The following HECTD2 variants were observed in gnomAD, a reference collection of about 807,000 sequenced individuals.
HECTD2 encodes the protein probable E3 ubiquitin-protein ligase HECTD2.
A neutral mutation model predicts 103.2 loss-of-function variants in HECTD2; 35 were observed. The ratio of observed to expected loss-of-function variants is 0.34; its 90% CI spans 0.26 to 0.45. The LOEUF is 0.45. HECTD2 is among the 20% of genes least tolerant of loss of function. The pLI, the probability that HECTD2 is intolerant of heterozygous loss-of-function variation, is 1.00. For synonymous variants in HECTD2, 281 were observed against 329.9 expected (o/e 0.85, Z 1.61); for missense variants, 596 against 937.4 (o/e 0.64, Z 4.76).
At chr10:91,419,221 A>G (rs1197351575) in intron 1 of HECTD2, among the ~76,000 whole-genome samples, 1 of 152,230 alleles carries the variant, frequency 6.6e-6, no homozygotes. Flanking sequence ...TTGTTAGTCA[A>G]TTCAGAAGCG....
intron 5 of HECTD2, among the ~76,000 whole-genome samples, chr10:91,475,500 A>G (rs1845868967): frequency 6.6e-6 from 1 of 152,214 alleles, no homozygotes; most frequent in East Asian, 1.9e-4. Context: ...AGAATTGACC[A>G]TTGTCTTTCA....
chr10:91,433,800 T>G (rs923150233), intron 2 of HECTD2, among the ~76,000 whole-genome samples: 1 of 151,946 alleles, frequency 6.6e-6, no homozygotes, highest in Non-Finnish European at 1.5e-5. Context: ...TCGTGGTGCA[T>G]GTAGTCTATA....
At position 91,458,239 on chromosome 10, in the gene HECTD2, T is replaced by C. The variant is rs569641321; in HGVS notation, c.269-2188T>C. On this transcript the variant is annotated intron_variant, in intron 2 of 20. Coordinates refer to ENST00000298068, the MANE Select transcript of HECTD2 (RefSeq NM_182765.6). ...TAAATCTAGCAAACATTACAGAATA[T>C]GTATGCTTAGAATCATACCATGCTG... Among the ~76,000 whole-genome samples the C allele has an allele frequency of 3.9e-5, 6 of 152,086 alleles. No homozygotes were observed. The South Asian group carries it at 6.2e-4, about 16-fold the overall frequency.
chr10:91,502,633 C>T (rs1320527795), intron 20 of HECTD2, among the ~76,000 whole-genome samples: 2 of 151,810 alleles, frequency 1.3e-5, no homozygotes, highest in African/African-American at 2.4e-5. Context: ...AATTTCTAAA[C>T]AAAATTTACA....
intron 2 of HECTD2, among the ~76,000 whole-genome samples, chr10:91,430,348 C>A (rs1488346606): frequency 2.5e-4 from 38 of 151,958 alleles, no homozygotes; most frequent in Admixed American, 1.2e-3. Context: ...AAAAAAATGT[C>A]TATTCTGTTG....
chr10:91,477,105 C>T (rs1036740614), intron 5 of HECTD2, among the ~76,000 whole-genome samples: 2 of 150,900 alleles, frequency 1.3e-5, no homozygotes, highest in African/African-American at 2.4e-5. Flanking sequence ...GGCGTGAACC[C>T]GGGAAGCGGA....
intron 1 of HECTD2, among the ~76,000 whole-genome samples, chr10:91,411,044 A>G (rs1842899858): frequency 6.6e-6 from 1 of 152,048 alleles, no homozygotes; most frequent in South Asian, 2.1e-4. Flanking sequence ...CTCTGCGGCG[A>G]GTTTCCACTT....
chr10:91,421,996 A>G (rs890904374), intron 1 of HECTD2, among the ~76,000 whole-genome samples: 19 of 151,910 alleles, frequency 1.3e-4, no homozygotes, highest in African/African-American at 4.4e-4. Flanking sequence ...CTCTATTCAA[A>G]TTTCATTTCT....
At chr10:91,508,604 C>T (rs1847290802) in intron 20 of HECTD2, among the ~76,000 whole-genome samples, 1 of 149,362 alleles carries the variant, frequency 6.7e-6, no homozygotes, top group Admixed American at 6.6e-5. Flanking sequence ...GAATGGCGAT[C>T]ATTAAAAAGT....
chr10:91,445,175 C>T (rs907972230), intron 2 of HECTD2, among the ~76,000 whole-genome samples: 2 of 152,024 alleles, frequency 1.3e-5, no homozygotes, highest in African/African-American at 4.8e-5. Flanking sequence ...CAACTACACC[C>T]GACAAAACAA....
At chr10:91,477,210 G>A (rs1360303956) in intron 5 of HECTD2, among the ~76,000 whole-genome samples, 1 of 151,966 alleles carries the variant, frequency 6.6e-6, no homozygotes, top group Non-Finnish European at 1.5e-5. Context: ...AAACCCCTGC[G>A]GGTCCAATGC....
intron 5 of HECTD2, among the ~76,000 whole-genome samples, chr10:91,474,483 G>A (rs1345654888): frequency 1.3e-5 from 2 of 152,110 alleles, no homozygotes; most frequent in Non-Finnish European, 2.9e-5. Flanking sequence ...CAGAAGATAT[G>A]GCCTTTAGGA....
chr10:91,468,171 G>A (rs906076430), intron 5 of HECTD2, among the ~76,000 whole-genome samples: 3 of 152,142 alleles, frequency 2.0e-5, no homozygotes, highest in Admixed American at 1.3e-4. Context: ...TAGTGCCAGT[G>A]GACCAAGAAG....
intron 10 of HECTD2, 167 bp downstream of exon 10, chr10:91,485,470 G>A (rs1846233800): frequency 2.0e-6 from 1 of 507,404 alleles, no homozygotes; most frequent in African/African-American, 2.0e-5. Flanking sequence ...TTCTTTTTCT[G>A]CTACATTTTG....
At chr10:91,485,087 G>T in intron 9 of HECTD2, 93 bp from the exon 10 acceptor site, 1 of 816,838 alleles carries the variant, frequency 1.2e-6, no homozygotes, top group South Asian at 2.4e-5. Context: ...CTAGGTCAAG[G>T]CTGTCTTGTA....
At chr10:91,453,182 A>G (rs1391749433) in intron 2 of HECTD2, among the ~76,000 whole-genome samples, 3 of 152,188 alleles carry the variant, frequency 2.0e-5, no homozygotes, top group Admixed American at 6.6e-5. Context: ...CTGTAATCCC[A>G]GTGTTTTGGG....
rs1017631458 is a variant in HECTD2 at position 91,411,148 on chromosome 10, G to T, written c.138+572G>T. On this transcript the variant is annotated intron_variant, in intron 1 of 20. Transcript: ENST00000298068. ...TATGGTACAGACATGTGACTCAGGT[G>T]GGGGGAGGCTTTTTGAACCTTTTAT... Among the ~76,000 whole-genome samples, 5 of 152,212 alleles carry T rather than the reference G, an allele frequency of 3.3e-5. No homozygotes were observed. In the South Asian group the frequency reaches 8.3e-4, roughly 25 times the overall value.
chr10:91,471,446 C>T (rs1845724128), intron 5 of HECTD2, among the ~76,000 whole-genome samples: 1 of 152,150 alleles, frequency 6.6e-6, no homozygotes, highest in Non-Finnish European at 1.5e-5. Context: ...TCCTATTCAA[C>T]ATAGTACTGG....
chr10:91,415,191 A>T (rs1843071334), intron 1 of HECTD2, among the ~76,000 whole-genome samples: 1 of 118,398 alleles, frequency 8.4e-6, no homozygotes, highest in African/African-American at 5.2e-5. Flanking sequence ...CAAATTAGAG[A>T]AAGTGTGTGT....
Sources: allele counts gnomAD v4.1 joint callset (sites outside exome capture counted in the v4.1 genomes callset), GRCh38; gene constraint gnomAD v4.1.1; transcripts MANE v1.5; gene names NCBI Gene and HGNC (gene_info 2026-07-23, HGNC 2026-07-21).